FIP1L1: variants seen among roughly 807,000 people sequenced by gnomAD.
FIP1L1 encodes the protein factor interacting with PAPOLA and CPSF1.
In FIP1L1, 21 loss-of-function variants were observed where a neutral mutation model predicts 84.6. The observed-to-expected ratio is 0.25, with a 90% CI of 0.18 to 0.36. FIP1L1 has a LOEUF of 0.36. Ranked by LOEUF, FIP1L1 falls within the 10% of genes least tolerant of loss-of-function variation. The pLI, the probability that FIP1L1 is intolerant of heterozygous loss-of-function variation, is 1.00. For missense variants in FIP1L1, 526 were observed against 751.1 expected (o/e 0.70, Z 3.50); for synonymous variants, 263 against 242.3 (o/e 1.09, Z -0.80).
rs560411317 is a variant in FIP1L1 at position 53,402,890 on chromosome 4, C to T, written c.815+3051C>T. On this transcript the variant is annotated intron_variant, in intron 10 of 17. Transcript: ENST00000337488. ...GACCGTTCATTCATAAGAACAGTAA[C>T]GAAGGCAGGATACAGGGCACCAGTG... is the stretch of plus-strand genomic sequence containing the variant. Among the ~76,000 whole-genome samples, 6 of 152,172 alleles carry T rather than the reference C, an allele frequency of 3.9e-5. No individual in the cohort carries two copies. In the East Asian group the frequency reaches 9.7e-4, roughly 25 times the overall value.
chr4:53,444,638 A>C (rs1773422979), intron 15 of FIP1L1, among the ~76,000 whole-genome samples: 1 of 152,096 alleles, frequency 6.6e-6, no homozygotes, highest in African/African-American at 2.4e-5. Flanking sequence ...TCTGTTGCCT[A>C]GGCTGGCGTG....
At chr4:53,440,675 GGA>G in intron 13 of FIP1L1, 1 of 1,116,694 alleles carries the variant, frequency 9.0e-7, no homozygotes, top group Non-Finnish European at 1.3e-6. Flanking sequence ...TATAGTTACA[GGA>G]GAGACGGTGT....
chr4:53,395,726 A>G (rs1273612046), intron 9 of FIP1L1, among the ~76,000 whole-genome samples: 2 of 152,068 alleles, frequency 1.3e-5, no homozygotes, highest in Non-Finnish European at 2.9e-5. Context: ...TAATAAAGTG[A>G]TGGAATTTTG....
intron 13 of FIP1L1, among the ~76,000 whole-genome samples, chr4:53,430,404 A>G (rs1319475346): frequency 7.8e-6 from 1 of 128,202 alleles, no homozygotes; most frequent in African/African-American, 3.1e-5. Flanking sequence ...GCTGGAGTGC[A>G]GTGGTGCGGT....
Position 53,399,730 on chromosome 4 carries a change from G to A in FIP1L1, c.706G>A (p.Val236Ile). 2 of 1,595,964 alleles carry A rather than the reference G, an allele frequency of 1.3e-6. No homozygotes were observed. The highest frequency in any genetic ancestry group is 1.7e-6 in the Non-Finnish European group (2 of 1,170,010). The change falls in exon 10 of 18, where the codon GTA becomes ATA. Residue 236 changes from valine (V) to isoleucine (I), a missense_variant and splice_region_variant. Around this residue, in one of 6 missense-constraint regions of FIP1L1, gnomAD observed 169 missense variants for 206.9 expected, o/e 0.82. Coordinates refer to ENST00000337488, the MANE Select transcript of FIP1L1 (RefSeq NM_030917.4). ...IQDGRFNLFK[V>I]QQGRTGNSEK... ...AAGCTAATAACCTTTTTTTTTTAAG[G>A]TACAGCAGGGAAGAACTGGAAACTC...
chr4:53,390,685 A>G, intron 7 of FIP1L1, 57 bp downstream of exon 7: 1 of 1,184,776 alleles, frequency 8.4e-7, no homozygotes, highest in East Asian at 2.5e-5. Context: ...GTCATCAGAA[A>G]ATTTTTTTGA....
At chr4:53,385,604 G>A (rs958051924) in intron 5 of FIP1L1, among the ~76,000 whole-genome samples, 5 of 152,030 alleles carry the variant, frequency 3.3e-5, no homozygotes, top group African/African-American at 1.2e-4. Context: ...TAAATAAACT[G>A]AATGTTATTT....
chr4:53,402,883 A>G (rs1228101279), intron 10 of FIP1L1, among the ~76,000 whole-genome samples: 1 of 152,204 alleles, frequency 6.6e-6, no homozygotes, highest in African/African-American at 2.4e-5. Flanking sequence ...ATTCATAAGA[A>G]CAGTAACGAA....
chr4:53,436,863 C>G (rs1266601546), intron 13 of FIP1L1, among the ~76,000 whole-genome samples: 4 of 152,014 alleles, frequency 2.6e-5, no homozygotes, highest in South Asian at 4.2e-4. Context: ...CTTACCCCCA[C>G]CCACTTTTAC....
At chr4:53,455,678 T>G (rs1232543723) in intron 16 of FIP1L1, among the ~76,000 whole-genome samples, 1 of 152,116 alleles carries the variant, frequency 6.6e-6, no homozygotes, top group African/African-American at 2.4e-5. Flanking sequence ...TTACTGAGTT[T>G]ATTTTGGTGC....
chr4:53,438,767 C>T (rs1190370056), intron 13 of FIP1L1, among the ~76,000 whole-genome samples: 2 of 152,118 alleles, frequency 1.3e-5, no homozygotes, highest in Non-Finnish European at 2.9e-5. Flanking sequence ...TCTTTTATCT[C>T]TACATTTTGT....
intron 13 of FIP1L1, among the ~76,000 whole-genome samples, chr4:53,429,786 T>C (rs2150037116): frequency 6.6e-6 from 1 of 152,364 alleles, no homozygotes; most frequent in African/African-American, 2.4e-5. Flanking sequence ...TCACCTCACA[T>C]ACTTAACATT....
intron 11 of FIP1L1, 143 bp from the exon 12 acceptor site, chr4:53,425,729 G>C: frequency 1.7e-6 from 1 of 579,540 alleles, no homozygotes; most frequent in Admixed American, 3.3e-5. Context: ...CTTAAACTCA[G>C]GGATATTTTT....
At chr4:53,404,026 A>C (rs564522956) in intron 10 of FIP1L1, among the ~76,000 whole-genome samples, 5 of 142,588 alleles carry the variant, frequency 3.5e-5, no homozygotes, top group African/African-American at 1.3e-4. Context: ...TTTTTTTATT[A>C]TACTTTAAGT....
At chr4:53,431,867 A>G (rs1463146370) in intron 13 of FIP1L1, among the ~76,000 whole-genome samples, 3 of 152,224 alleles carry the variant, frequency 2.0e-5, no homozygotes, top group African/African-American at 7.2e-5. Flanking sequence ...TTAATGTCAA[A>G]TAGTTCACAG....
Position 53,437,778 on chromosome 4 carries a change from T to C in FIP1L1, c.1175-4875T>C, listed in dbSNP as rs182310081. Among the ~76,000 whole-genome samples the C allele has an allele frequency of 9.2e-5, 14 of 152,112 alleles. No individual in the cohort carries two copies. In the East Asian group the frequency reaches 2.7e-3, roughly 29 times the overall value. ...TCTCGCTCTGTTGCCCAGGCTGGAG[T>C]GCAGTGGCGCGACCTCGGCTCACTG... On this transcript the variant is annotated intron_variant, in intron 13 of 17. Coordinates refer to ENST00000337488, the MANE Select transcript of FIP1L1 (RefSeq NM_030917.4).
chr4:53,399,353 G>T (rs1022356576), intron 9 of FIP1L1, among the ~76,000 whole-genome samples: 7 of 152,188 alleles, frequency 4.6e-5, no homozygotes, highest in African/African-American at 1.7e-4. Context: ...TAGAATAAGG[G>T]TGGTGAACAC....
Position 53,377,668 on chromosome 4 carries a change from A to G in FIP1L1, c.-171A>G, listed in dbSNP as rs529146045. 39 of 588,784 alleles carry G rather than the reference A, an allele frequency of 6.6e-5. No individual in the cohort carries two copies. The Admixed American group carries it at 1.1e-3, about 17-fold the overall frequency. 36.5% of individuals were successfully genotyped at this position (588,784 alleles called of 1,614,324 possible). A position where few individuals can be genotyped will look rare whatever the true frequency, so the allele number is the denominator to read the frequency against. On this transcript the variant is annotated 5_prime_UTR_variant, in exon 1 of 18. Coordinates refer to ENST00000337488, the MANE Select transcript of FIP1L1 (RefSeq NM_030917.4). ...GCATGCGCAGACGGACCTGCGCTGG[A>G]GGCTTCATCTTTGCCGCCGCTGCCG...
At chr4:53,417,246 A>G (rs1290960492) in intron 11 of FIP1L1, among the ~76,000 whole-genome samples, 1 of 152,220 alleles carries the variant, frequency 6.6e-6, no homozygotes, top group East Asian at 1.9e-4. Context: ...TGCTCTGGAA[A>G]CAAAAAAACA....
Sources: gnomAD v4.1 joint callset for allele counts (sites outside exome capture counted in the v4.1 genomes callset) on GRCh38, gnomAD v4.1.1 for gene constraint, gnomAD v4.1.1 regional missense constraint, MANE v1.5 for transcripts, NCBI Gene and HGNC (gene_info 2026-07-23, HGNC 2026-07-21) for gene names.